Variants in RIT2 observed in about 807,000 individuals in gnomAD.
The protein encoded by RIT2 is GTP-binding protein Rit2.
Under a neutral mutation model 23.7 loss-of-function variants are expected in RIT2, and 24 were observed. That is an observed-to-expected ratio of 1.01 (90% CI 0.73 to 1.43). The LOEUF is 1.43. Ranked by LOEUF, RIT2 falls within the 40% of genes most tolerant of loss-of-function variation. The pLI, the probability that RIT2 is intolerant of heterozygous loss-of-function variation, is 0.00. For synonymous variants in RIT2, 107 were observed against 91.1 expected (o/e 1.17, Z -0.99); for missense variants, 236 against 266.9 (o/e 0.88, Z 0.81).
intron 4 of RIT2, among the ~76,000 whole-genome samples, chr18:42,795,413 G>T (rs1232890031): frequency 6.6e-6 from 1 of 152,244 alleles, no homozygotes; most frequent in African/African-American, 2.4e-5. Context: ...TCCCCTAGCA[G>T]TGCCAGCCCA....
chr18:42,888,548 T>C (rs551970645), intron 4 of RIT2, among the ~76,000 whole-genome samples: 33 of 151,626 alleles, frequency 2.2e-4, no homozygotes, highest in African/African-American at 7.3e-4. Context: ...TCTTTTTAAA[T>C]AATAGCCTGG....
chr18:42,811,103 T>C (rs569595398), intron 4 of RIT2, among the ~76,000 whole-genome samples: 74 of 152,152 alleles, frequency 4.9e-4, no homozygotes, highest in Non-Finnish European at 9.7e-4. Flanking sequence ...CAAAAGCCTC[T>C]TTTAATTCTT....
intron 4 of RIT2, among the ~76,000 whole-genome samples, chr18:42,802,184 TA>T (rs1905557319): frequency 6.6e-6 from 1 of 152,132 alleles, no homozygotes; most frequent in African/African-American, 2.4e-5. Flanking sequence ...GGATTATAAT[TA>T]GGATAAACGT....
At chr18:42,983,120 A>G (rs1910634142) in intron 2 of RIT2, among the ~76,000 whole-genome samples, 1 of 152,170 alleles carries the variant, frequency 6.6e-6, no homozygotes, top group Non-Finnish European at 1.5e-5. Flanking sequence ...TCATACAGCT[A>G]CAATAATCAA....
chr18:42,770,787 A>C (rs1390854336), intron 4 of RIT2, among the ~76,000 whole-genome samples: 1 of 133,786 alleles, frequency 7.5e-6, no homozygotes, highest in Non-Finnish European at 1.7e-5. Flanking sequence ...ACTGACACTC[A>C]AAAAAAAAAA....
chr18:42,868,665 T>G (rs973432108), intron 4 of RIT2, among the ~76,000 whole-genome samples: 3 of 152,202 alleles, frequency 2.0e-5, no homozygotes, highest in Non-Finnish European at 2.9e-5. Flanking sequence ...ATGAGACTCA[T>G]GAAGAAATGG....
chr18:42,991,886 C>T (rs893492189), intron 2 of RIT2, among the ~76,000 whole-genome samples: 2 of 152,072 alleles, frequency 1.3e-5, no homozygotes, highest in Non-Finnish European at 1.5e-5. Context: ...AGCCCGCCTG[C>T]GGCCAGGTGA....
chr18:42,853,783 A>C (rs1206183961), intron 4 of RIT2, among the ~76,000 whole-genome samples: 3 of 152,202 alleles, frequency 2.0e-5, no homozygotes, highest in Non-Finnish European at 4.4e-5. Context: ...TAGGTTCTAC[A>C]AAAAGGCAAT....
intron 3 of RIT2, among the ~76,000 whole-genome samples, chr18:42,930,568 T>A (rs1377356876): frequency 6.6e-6 from 1 of 151,980 alleles, no homozygotes; most frequent in Non-Finnish European, 1.5e-5. Context: ...TAAATTAAAT[T>A]AAATATGGTT....
chr18:42,880,804 C>CTTTTTTTTT (rs397966126), intron 4 of RIT2, among the ~76,000 whole-genome samples: 2 of 115,560 alleles, frequency 1.7e-5, no homozygotes, highest in Non-Finnish European at 1.7e-5. Flanking sequence ...CTTCCTACCT[C>CTTTTTTTTT]TTTTTTTTTT....
chr18:43,030,798 C>T (rs1911836023), intron 2 of RIT2, among the ~76,000 whole-genome samples: 1 of 152,018 alleles, frequency 6.6e-6, no homozygotes, highest in South Asian at 2.1e-4. Context: ...GTATGAGATG[C>T]TGGTGGATCG....
chr18:42,897,452 G>A (rs143128732), intron 4 of RIT2, among the ~76,000 whole-genome samples: 39 of 152,246 alleles, frequency 2.6e-4, no homozygotes, highest in African/African-American at 9.1e-4. Context: ...CAAATGTAAG[G>A]ACAGAAGAAT....
At chr18:43,000,971 A>G (rs1422718945) in intron 2 of RIT2, among the ~76,000 whole-genome samples, 1 of 152,096 alleles carries the variant, frequency 6.6e-6, no homozygotes, top group Non-Finnish European at 1.5e-5. Context: ...TGCATTGGGA[A>G]AGCAGAAATA....
intron 4 of RIT2, among the ~76,000 whole-genome samples, chr18:42,919,259 T>C (rs1908993244): frequency 6.6e-6 from 1 of 152,148 alleles, no homozygotes; most frequent in Non-Finnish European, 1.5e-5. Flanking sequence ...TAATTAGATA[T>C]ATCACTAAAG....
chr18:42,808,938 T>A (rs1006200827), intron 4 of RIT2, among the ~76,000 whole-genome samples: 4 of 152,130 alleles, frequency 2.6e-5, no homozygotes, highest in Admixed American at 6.5e-5. Flanking sequence ...AAGATCTGGA[T>A]TTCCCAAGCT....
At chr18:42,981,521 C>A (rs1290020263) in intron 2 of RIT2, among the ~76,000 whole-genome samples, 1 of 151,894 alleles carries the variant, frequency 6.6e-6, no homozygotes, top group African/African-American at 2.4e-5. Flanking sequence ...AAGATAAAAT[C>A]GATGACATTT....
intron 4 of RIT2, among the ~76,000 whole-genome samples, chr18:42,883,806 G>A (rs1344665977): frequency 2.0e-5 from 3 of 152,106 alleles, no homozygotes; most frequent in African/African-American, 7.2e-5. Flanking sequence ...TTCTAAAAAT[G>A]AGTCTTGAAG....
At position 42,808,608 on chromosome 18, in the gene RIT2, G is replaced by T. The variant is rs182809343; in HGVS notation, c.427-64888C>A. ...TTTTTCATGATGAATAAGAGGGAAA[G>T]GCATAGTTAACACATTATCAGTTAA... On this transcript the variant is annotated intron_variant, in intron 4 of 4. Transcript: ENST00000326695. Among the ~76,000 whole-genome samples the T allele has an allele frequency of 2.6e-3, 393 of 151,844 alleles. 1 individual carries two copies. Among genetic ancestry groups the T allele is most frequent in the Non-Finnish European group, 4.1e-3 (281 of 67,930 alleles).
intron 4 of RIT2, among the ~76,000 whole-genome samples, chr18:42,748,228 A>G (rs28780768): frequency 0.24 from 35,812 of 151,820 alleles, 4,955 homozygotes; most frequent in East Asian, 0.45. Flanking sequence ...AAGAGACTGA[A>G]AGAAATCCGC....
Sources: allele counts gnomAD v4.1 joint callset (sites outside exome capture counted in the v4.1 genomes callset), GRCh38; gene constraint gnomAD v4.1.1; transcripts MANE v1.5; gene names NCBI Gene and HGNC (gene_info 2026-07-23, HGNC 2026-07-21).